The following NUMB variants were observed in gnomAD, a reference collection of about 807,000 sequenced individuals.
NUMB encodes the protein NUMB endocytic adaptor protein, also known as protein numb homolog.
A neutral mutation model predicts 59.7 loss-of-function variants in NUMB; 29 were observed. The ratio of observed to expected loss-of-function variants is 0.49; its 90% CI spans 0.36 to 0.66. NUMB has a LOEUF of 0.66. NUMB is among the 30% of genes least tolerant of loss of function. NUMB has a pLI of 0.00. For synonymous variants in NUMB, 288 were observed against 288.2 expected (o/e 1.00, Z 0.01); for missense variants, 723 against 822.0 (o/e 0.88, Z 1.47).
At chr14:73,454,239 T>A (rs1163575394) in intron 1 of NUMB, among the ~76,000 whole-genome samples, 1 of 151,610 alleles carries the variant, frequency 6.6e-6, no homozygotes, top group Admixed American at 6.6e-5. Flanking sequence ...AGGAAAAAAA[T>A]CAGAGTTCAG....
At chr14:73,340,662 A>G (rs1892586208) in intron 4 of NUMB, among the ~76,000 whole-genome samples, 1 of 152,240 alleles carries the variant, frequency 6.6e-6, no homozygotes, top group Admixed American at 6.5e-5. Flanking sequence ...GGTCTCATAG[A>G]GAAGAAAATG....
chr14:73,352,513 T>C lies in NUMB; in HGVS notation c.126+3113A>G, dbSNP rs1566756314. Among the ~76,000 whole-genome samples the C allele has an allele frequency of 2.5e-3, 60 of 23,928 alleles. 13 individuals are homozygous for C. Among genetic ancestry groups the C allele is most frequent in the East Asian group, 9.8e-3 (4 of 408 alleles). The allele number at this position is 23,928 out of a possible 152,430, so 15.7% of individuals were successfully genotyped here. ...ATATATATATATATATATATATATA[T>C]ATATATATATATATATGTTTTTTTT... On this transcript the variant is annotated intron_variant, in intron 4 of 12. Coordinates refer to ENST00000555238, the MANE Select transcript of NUMB (RefSeq NM_001005743.2).
intron 5 of NUMB, among the ~76,000 whole-genome samples, chr14:73,319,099 C>T (rs1338374951): frequency 6.6e-6 from 1 of 152,052 alleles, no homozygotes; most frequent in African/African-American, 2.4e-5. Flanking sequence ...CATGGTGAAA[C>T]CCCGTCTCAT....
At chr14:73,388,143 A>G (rs1462144783) in intron 2 of NUMB, among the ~76,000 whole-genome samples, 2 of 152,142 alleles carry the variant, frequency 1.3e-5, no homozygotes, top group East Asian at 3.8e-4. Flanking sequence ...TCCTCAAACT[A>G]GCCACATTTC....
intron 1 of NUMB, among the ~76,000 whole-genome samples, chr14:73,438,791 A>T (rs11844372): frequency 0.051 from 7,820 of 152,194 alleles, 654 homozygotes; most frequent in African/African-American, 0.18. Flanking sequence ...GTAATTTTTT[A>T]AAATGAATTA....
chr14:73,281,714 T>C (rs1043155947), intron 11 of NUMB, among the ~76,000 whole-genome samples: 5 of 152,252 alleles, frequency 3.3e-5, no homozygotes, highest in Admixed American at 6.5e-5. Context: ...ACACTTGTTA[T>C]AGAAGATGAA....
At chr14:73,441,416 T>C (rs1489442115) in intron 1 of NUMB, among the ~76,000 whole-genome samples, 2 of 151,920 alleles carry the variant, frequency 1.3e-5, no homozygotes, top group African/African-American at 2.4e-5. Context: ...GGCATGGTAG[T>C]GCACGCCTCA....
Position 73,353,072 on chromosome 14 carries a change from G to GTTTTTTTTTTT in NUMB, c.126+2543_126+2553dup, listed in dbSNP as rs71112737. 8.1e-3 allele frequency among the ~76,000 whole-genome samples: 472 copies of GTTTTTTTTTTT among 58,510 alleles called. 128 individuals carry two copies. Among genetic ancestry groups the GTTTTTTTTTTT allele is most frequent in the Non-Finnish European group, 9.3e-3 (282 of 30,360 alleles). The allele number at this position is 58,510 out of a possible 152,430, so 38.4% of individuals were successfully genotyped here. On this transcript the variant is annotated intron_variant, in intron 4 of 12. Transcript: ENST00000555238. The stretch of plus-strand genomic sequence containing the variant: ...CTTAATGGATGCCACAGTTTTTCTT[G>GTTTTTTTTTTT]TTTTTTTTTTTTTTTTTTTTTTTTT...
intron 1 of NUMB, among the ~76,000 whole-genome samples, chr14:73,429,833 T>C (rs192094226): frequency 8.2e-4 from 125 of 151,912 alleles, no homozygotes; most frequent in African/African-American, 2.8e-3. Flanking sequence ...ATCCCAGCTA[T>C]TCAAGAGGCT....
Position 73,356,745 on chromosome 14 carries a change from T to C in NUMB, c.-15-979A>G, listed in dbSNP as rs1161262464. On this transcript the variant is annotated intron_variant, in intron 3 of 12. Transcript: ENST00000555238. The stretch of plus-strand genomic sequence containing the variant: ...TCTCACTCTGTCACTAAGGCTGGAG[T>C]GTAGTGGCGTGATCACAGCTCATTG... Among the ~76,000 whole-genome samples, 4 of 151,944 alleles carry C rather than the reference T, an allele frequency of 2.6e-5. No individual in the cohort carries two copies. In the South Asian group the frequency reaches 6.2e-4, roughly 24 times the overall value.
chr14:73,306,211 T>C (rs959440608), intron 6 of NUMB, among the ~76,000 whole-genome samples: 4 of 152,146 alleles, frequency 2.6e-5, no homozygotes, highest in African/African-American at 9.7e-5. Flanking sequence ...CTTAAAGGCT[T>C]TTAGGAAAAC....
At chr14:73,427,122 C>T (rs1432052072) in intron 1 of NUMB, among the ~76,000 whole-genome samples, 1 of 152,208 alleles carries the variant, frequency 6.6e-6, no homozygotes, top group Non-Finnish European at 1.5e-5. Flanking sequence ...CTGGCCAACT[C>T]TGCCTGGAGC....
rs745614342 is a variant in NUMB at position 73,282,508 on chromosome 14, G to A, written c.950-3C>T. 6.8e-6 allele frequency: 11 copies of A among 1,611,330 alleles called. No individual in the cohort carries two copies. Among genetic ancestry groups the A allele is most frequent in the Non-Finnish European group, 9.3e-6 (11 of 1,178,928 alleles). Reference sequence around the variant, plus strand: ...TGCCTCCCCTTCTACTTCTGGCACTGCAAGGCAAACAGAAAATGGCTCCAG... The same window carrying A: ...TGCCTCCCCTTCTACTTCTGGCACTACAAGGCAAACAGAAAATGGCTCCAG... On this transcript the variant is annotated splice_polypyrimidine_tract_variant and splice_region_variant and intron_variant, in intron 10 of 12. Transcript: ENST00000555238.
At chr14:73,350,982 C>T (rs1893219104) in intron 4 of NUMB, among the ~76,000 whole-genome samples, 1 of 152,138 alleles carries the variant, frequency 6.6e-6, no homozygotes, top group Non-Finnish European at 1.5e-5. Context: ...TTCCAAACTA[C>T]ACTGCAGCCA....
chr14:73,276,673 C>A lies in NUMB; in HGVS notation c.1861G>T (p.Ala621Ser), dbSNP rs145338656. 3.1e-6 allele frequency: 5 copies of A among 1,614,098 alleles called. No individual in the cohort carries two copies. In the African/African-American group the frequency reaches 5.3e-5, roughly 17 times the overall value. The part of the protein sequence containing the change: ...CPVDPFEAQW[A>S]ALENKSKQRT... ...TGCTTGGACTTATTTTCTAATGCAG[C>A]CCACTGGGCTTCAAAAGGATCCACT... is the stretch of plus-strand genomic sequence containing the variant. Residue 621 changes from alanine to serine, a missense_variant, in exon 13 of 13, where the codon GCT (alanine) becomes TCT (serine). Physicochemically the swap from Ala to Ser is moderately conservative, Grantham distance 99 (BLOSUM62 1). This residue lies in a region of NUMB where 406 missense variants were observed against 385.4 expected (regional missense o/e 1.05). Coordinates refer to ENST00000555238, the MANE Select transcript of NUMB (RefSeq NM_001005743.2).
At chr14:73,373,035 A>C (rs1457816620) in intron 2 of NUMB, among the ~76,000 whole-genome samples, 1 of 152,114 alleles carries the variant, frequency 6.6e-6, no homozygotes, top group African/African-American at 2.4e-5. Flanking sequence ...TTCTCAACTG[A>C]TGTCATAAAA....
At position 73,374,013 on chromosome 14, in the gene NUMB, C is replaced by T. The variant is rs147947891; in HGVS notation, c.-100-7032G>A. 6.4e-4 allele frequency among the ~76,000 whole-genome samples: 98 copies of T among 152,112 alleles called. No individual in the cohort carries two copies. In the East Asian group the frequency reaches 0.014, roughly 22 times the overall value. On this transcript the variant is annotated intron_variant, in intron 2 of 12. Transcript: ENST00000555238. ...CTTCCCTAGTAGCTGGGATTACAGG[C>T]ATGCACCACCACGCCAGGCTAATTT...
chr14:73,279,286 C>A lies in NUMB; in HGVS notation c.1235G>T (p.Cys412Phe), dbSNP rs1273139379. The A allele has an allele frequency of 1.9e-6, 3 of 1,614,162 alleles. No homozygotes were observed. The South Asian group carries it at 3.3e-5, about 18-fold the overall frequency. The change falls in exon 12 of 13, where the codon TGT becomes TTT. Residue 412 changes from cysteine to phenylalanine, a missense_variant. By Grantham distance (205) the Cys-to-Phe change is radical. Coordinates refer to ENST00000555238, the MANE Select transcript of NUMB (RefSeq NM_001005743.2). ...DAANKEIAAT[C>F]SGTEWGQSSG... The stretch of plus-strand genomic sequence containing the variant: ...ACCATCTGTGGCCACCTTACCCGAA[C>A]ATGTGGCTGCAATTTCCTTGTTAGC...
intron 4 of NUMB, among the ~76,000 whole-genome samples, chr14:73,327,072 C>T (rs1354503880): frequency 6.6e-6 from 1 of 152,016 alleles, no homozygotes; most frequent in Non-Finnish European, 1.5e-5. Context: ...AGGTTCTTTC[C>T]ACATTTTTTC....
Sources: allele counts gnomAD v4.1 joint callset (sites outside exome capture counted in the v4.1 genomes callset), GRCh38; gene constraint gnomAD v4.1.1; regional missense constraint gnomAD v4.1.1; transcripts MANE v1.5; gene names NCBI Gene and HGNC (gene_info 2026-07-23, HGNC 2026-07-21).